KIAA0930: variants seen among roughly 807,000 people sequenced by gnomAD.
KIAA0930 encodes KIAA0930.
Under a neutral mutation model 43.9 loss-of-function variants are expected in KIAA0930, and 24 were observed. The observed-to-expected ratio is 0.55, with a 90% CI of 0.40 to 0.77. The LOEUF (loss-of-function observed/expected upper bound fraction) is 0.77, where lower values mean the gene tolerates loss of function less well. Among genes scored for constraint, KIAA0930 ranks in the 30% least tolerant of loss-of-function variants. The pLI is 0.00. For synonymous variants in KIAA0930, 259 were observed against 216.4 expected (o/e 1.20, Z -1.73); for missense variants, 461 against 574.2 (o/e 0.80, Z 2.02).
At chr22:45,231,781 G>A (rs1406909075) in intron 1 of KIAA0930, among the ~76,000 whole-genome samples, 1 of 152,156 alleles carries the variant, frequency 6.6e-6, no homozygotes, top group Non-Finnish European at 1.5e-5. Context: ...TGGATCACAA[G>A]GTCAGGAGAT....
intron 1 of KIAA0930, among the ~76,000 whole-genome samples, chr22:45,232,531 C>A (rs954764555): frequency 1.3e-5 from 2 of 152,116 alleles, no homozygotes; most frequent in African/African-American, 4.8e-5. Flanking sequence ...CAGTCGGGGT[C>A]CACTCTGAGT....
chr22:45,235,843 C>T (rs1022072018), intron 1 of KIAA0930, among the ~76,000 whole-genome samples: 1 of 152,218 alleles, frequency 6.6e-6, no homozygotes, highest in Admixed American at 6.5e-5. Flanking sequence ...TTAGCCAGGG[C>T]TCACAGTCTT....
At chr22:45,230,956 C>T (rs983985193) in intron 1 of KIAA0930, among the ~76,000 whole-genome samples, 1 of 151,838 alleles carries the variant, frequency 6.6e-6, no homozygotes, top group Admixed American at 6.6e-5. Flanking sequence ...AGAAAATAAA[C>T]AGGTTGAGGC....
At position 45,200,682 on chromosome 22, in the gene KIAA0930, C is replaced by G. The variant is rs115771159; in HGVS notation, c.853-647G>C. ...ATCACGTTTGGTTCTGTTCACCAAA[C>G]ATTCACACCCACTCAGGGCCAGGCA... is the stretch of plus-strand genomic sequence containing the variant. On this transcript the variant is annotated intron_variant, in intron 7 of 9. Transcript: ENST00000336156. Among the ~76,000 whole-genome samples the G allele has an allele frequency of 7.2e-3, 1,091 of 152,354 alleles. 10 individuals carry two copies. Among genetic ancestry groups the G allele is most frequent in the African/African-American group, 0.025 (1,033 of 41,586 alleles).
In KIAA0930 at chr22:45,199,953, G is replaced by A. The variant is rs763409275; in HGVS notation, c.935C>T (p.Pro312Leu). 7 of 1,609,880 alleles carry A rather than the reference G, an allele frequency of 4.3e-6. No homozygotes were observed. In the African/African-American group the frequency reaches 9.4e-5, roughly 22 times the overall value. Residue 312 changes from proline (P) to leucine (L), a missense_variant, in exon 8 of 10, where the codon CCC (proline) becomes CTC (leucine). By Grantham distance (98) the Pro-to-Leu change is moderately conservative. Transcript: ENST00000336156. The stretch of plus-strand genomic sequence containing the variant: ...CTTCATCTCAGCGATCCGGTTCCGG[G>A]GCACCTTCCTCTTGAGGGATGGGGA... ...FFSPSLKRKV[P>L]RNRIAEMKKS...
intron 2 of KIAA0930, 28 bp from the exon 3 acceptor site, chr22:45,205,940 C>G (rs746168975): frequency 1.2e-6 from 2 of 1,609,510 alleles, no homozygotes; most frequent in Non-Finnish European, 1.7e-6. Context: ...GAAGTGAGTG[C>G]CCAGGGCCCA....
In KIAA0930 at chr22:45,240,713, C is replaced by T. The variant is rs1483829648; in HGVS notation, c.-10G>A. ...CTATGGCACGCAGCATGTGCTGCAG[C>T]GAGCGCTCCTCGGCCTCGGCGCCGC... is the stretch of plus-strand genomic sequence containing the variant. On this transcript the variant is annotated 5_prime_UTR_variant, in exon 1 of 10. Coordinates refer to ENST00000336156, the MANE Select transcript of KIAA0930 (RefSeq NM_001009880.2). The T allele has an allele frequency of 3.5e-5, 41 of 1,175,754 alleles. No homozygotes were observed. Among genetic ancestry groups the T allele is most frequent in the Non-Finnish European group, 4.2e-5 (41 of 965,530 alleles). The allele number at this position is 1,175,754 out of a possible 1,614,324, so 72.8% of individuals were successfully genotyped here.
chr22:45,236,987 T>C (rs2083891850), intron 1 of KIAA0930, among the ~76,000 whole-genome samples: 1 of 152,192 alleles, frequency 6.6e-6, no homozygotes, highest in Admixed American at 6.5e-5. Flanking sequence ...ACACCAGGTC[T>C]TGGGCCCAGG....
chr22:45,205,997 G>T, intron 2 of KIAA0930, 85 bp from the exon 3 acceptor site: 1 of 1,553,936 alleles, frequency 6.4e-7, no homozygotes, highest in Non-Finnish European at 8.6e-7. Flanking sequence ...GCATTACGAT[G>T]GACAAGGACT....
chr22:45,202,569 A>C, intron 7 of KIAA0930: 2 of 161,928 alleles, frequency 1.2e-5, no homozygotes, highest in Non-Finnish European at 2.7e-5. Flanking sequence ...TCACCGGGGA[A>C]GGCCGGCCAC....
At chr22:45,229,146 T>C (rs866449327) in intron 1 of KIAA0930, among the ~76,000 whole-genome samples, 55 of 15,014 alleles carry the variant, frequency 3.7e-3, no homozygotes, top group East Asian at 0.031. Flanking sequence ...AACACTCACC[T>C]GAGAGATCCC....
intron 1 of KIAA0930, among the ~76,000 whole-genome samples, chr22:45,234,371 G>T (rs1285074831): frequency 6.6e-6 from 1 of 152,252 alleles, no homozygotes; most frequent in Non-Finnish European, 1.5e-5. Context: ...AAGAAGACAA[G>T]GTTGGAGGAT....
chr22:45,205,145 G>T, intron 5 of KIAA0930, 72 bp downstream of exon 5: 4 of 1,272,990 alleles, frequency 3.1e-6, no homozygotes, highest in Non-Finnish European at 4.6e-6. Context: ...GGCTAAGGCC[G>T]CGGGGAGAAG....
At chr22:45,229,639 C>T (rs577832131) in intron 1 of KIAA0930, among the ~76,000 whole-genome samples, 4 of 152,312 alleles carry the variant, frequency 2.6e-5, no homozygotes, top group African/African-American at 4.8e-5. Flanking sequence ...CCCCCCTCTC[C>T]GCCAACAACG....
chr22:45,215,654 G>A (rs143397835), intron 1 of KIAA0930, among the ~76,000 whole-genome samples: 356 of 152,298 alleles, frequency 2.3e-3, no homozygotes, highest in African/African-American at 7.2e-3. Flanking sequence ...ACAGATGCAT[G>A]GGAATACGTG....
chr22:45,227,899 C>T (rs1356261132), intron 1 of KIAA0930, among the ~76,000 whole-genome samples: 6 of 152,304 alleles, frequency 3.9e-5, no homozygotes, highest in East Asian at 1.9e-4. Context: ...CAGCAGCTAA[C>T]GAGCTCCCAC....
At chr22:45,202,939 A>G in intron 7 of KIAA0930, 51 bp downstream of exon 7, 1 of 1,478,386 alleles carries the variant, frequency 6.8e-7, no homozygotes, top group Non-Finnish European at 9.2e-7. Context: ...GAGACGGTGG[A>G]AAGTGAACTT....
intron 1 of KIAA0930, among the ~76,000 whole-genome samples, chr22:45,215,430 C>A (rs536992188): frequency 6.6e-6 from 1 of 152,082 alleles, no homozygotes; most frequent in South Asian, 2.1e-4. Flanking sequence ...ATCTACCTGA[C>A]GGCAGAGTAC....
chr22:45,230,890 T>G (rs1358349629), intron 1 of KIAA0930, among the ~76,000 whole-genome samples: 1 of 151,124 alleles, frequency 6.6e-6, no homozygotes, highest in Non-Finnish European at 1.5e-5. Flanking sequence ...CAGATCACAC[T>G]TCTTTATCCA....
Sources: gnomAD v4.1 joint callset for allele counts (sites outside exome capture counted in the v4.1 genomes callset) on GRCh38, gnomAD v4.1.1 for gene constraint, MANE v1.5 for transcripts, NCBI Gene and HGNC (gene_info 2026-07-23, HGNC 2026-07-21) for gene names.